RAPGEF5: variants seen among roughly 807,000 people sequenced by gnomAD.
The protein encoded by RAPGEF5 is Rap guanine nucleotide exchange factor 5.
Under a neutral mutation model 125.2 loss-of-function variants are expected in RAPGEF5, and 65 were observed. The ratio of observed to expected loss-of-function variants is 0.52; its 90% confidence interval spans 0.43 to 0.64. RAPGEF5 has a LOEUF of 0.64. Ranked by LOEUF, RAPGEF5 falls within the 30% of genes least tolerant of loss-of-function variation. The pLI is 0.00. For missense variants in RAPGEF5, 958 were observed against 1,048.1 expected (o/e 0.91, Z 1.19); for synonymous variants, 391 against 385.9 (o/e 1.01, Z -0.16).
chr7:22,326,387 T>G (rs550450695), intron 1 of RAPGEF5, among the ~76,000 whole-genome samples: 17 of 152,296 alleles, frequency 1.1e-4, no homozygotes, highest in African/African-American at 4.1e-4. Flanking sequence ...TGGAACACTG[T>G]GTGTTTACAT....
intron 17 of RAPGEF5, among the ~76,000 whole-genome samples, 200 bp downstream of exon 17, chr7:22,154,255 G>C (rs151181449): frequency 1.3e-5 from 2 of 152,226 alleles, no homozygotes; most frequent in East Asian, 1.9e-4. Context: ...TTCAGTTCTT[G>C]GGGAGGAAAT....
intron 11 of RAPGEF5, among the ~76,000 whole-genome samples, chr7:22,176,484 TTAAAG>T (rs535010641): frequency 3.2e-4 from 48 of 152,204 alleles, no homozygotes; most frequent in Non-Finnish European, 5.3e-4. Flanking sequence ...CAAAACTAAT[TTAAAG>T]TAAACATAAG....
intron 21 of RAPGEF5, 34 bp downstream of exon 21, chr7:22,139,991 T>C: frequency 1.3e-6 from 2 of 1,496,454 alleles, no homozygotes; most frequent in Non-Finnish European, 1.8e-6. Context: ...ATTTCCATTT[T>C]ATGTGCCCCT....
rs550522486 is a variant in RAPGEF5, at chr7:22,184,111, G to A, written c.1204+9256C>T. Among the ~76,000 whole-genome samples, 35 of 152,262 alleles carry A rather than the reference G, an allele frequency of 2.3e-4. No homozygotes were observed. The South Asian group carries it at 4.8e-3, about 21-fold the overall frequency. On this transcript the variant is annotated intron_variant, in intron 11 of 25. Coordinates refer to ENST00000665637, the MANE Select transcript of RAPGEF5 (RefSeq NM_012294.5). The stretch of plus-strand genomic sequence containing the variant: ...CTTTTGTGGCAAAAGCCACATCTGC[G>A]AAGCCAACTGTAGTTTCCCTTTAGT...
chr7:22,278,269 C>CT (rs1782601943), intron 6 of RAPGEF5, among the ~76,000 whole-genome samples: 1 of 152,116 alleles, frequency 6.6e-6, no homozygotes, highest in Admixed American at 6.5e-5. Context: ...TTTTCTTTCC[C>CT]TTATCTAGAC....
chr7:22,122,800 G>T (rs2128096184), intron 25 of RAPGEF5, among the ~76,000 whole-genome samples: 1 of 152,250 alleles, frequency 6.6e-6, no homozygotes, highest in South Asian at 2.1e-4. Context: ...CCACAGATGG[G>T]GAAACTGAGC....
intron 11 of RAPGEF5, among the ~76,000 whole-genome samples, chr7:22,169,478 G>A (rs1401014908): frequency 6.6e-6 from 1 of 152,092 alleles, no homozygotes; most frequent in African/African-American, 2.4e-5. Context: ...GCCTGTTGAA[G>A]AGTAATGTTT....
intron 11 of RAPGEF5, among the ~76,000 whole-genome samples, chr7:22,176,689 C>T (rs547806563): frequency 9.2e-5 from 14 of 152,152 alleles, no homozygotes; most frequent in Admixed American, 4.6e-4. Context: ...CCACCATGCC[C>T]GGGTAATTTT....
intron 7 of RAPGEF5, among the ~76,000 whole-genome samples, chr7:22,235,514 G>C (rs1359975603): frequency 6.6e-6 from 1 of 152,152 alleles, no homozygotes; most frequent in Non-Finnish European, 1.5e-5. Flanking sequence ...ATCATAGGAA[G>C]AATAGAAAAA....
intron 6 of RAPGEF5, among the ~76,000 whole-genome samples, chr7:22,278,410 G>A (rs9987061): frequency 0.15 from 22,990 of 151,986 alleles, 1,776 homozygotes; most frequent in South Asian, 0.23. Context: ...TTATACTTAT[G>A]TTAATTTTTA....
intron 11 of RAPGEF5, among the ~76,000 whole-genome samples, chr7:22,180,946 C>T (rs1431974627): frequency 1.3e-5 from 2 of 152,182 alleles, no homozygotes; most frequent in Non-Finnish European, 2.9e-5. Context: ...GAGATATGCA[C>T]ACTATGCCAA....
At chr7:22,346,609 CA>C (rs1365713061) in intron 1 of RAPGEF5, among the ~76,000 whole-genome samples, 7 of 152,154 alleles carry the variant, frequency 4.6e-5, no homozygotes. Context: ...TTTGCATGTA[CA>C]CCTCATAACA....
intron 1 of RAPGEF5, among the ~76,000 whole-genome samples, chr7:22,353,150 T>A (rs193218914): frequency 1.3e-5 from 2 of 152,296 alleles, no homozygotes; most frequent in Non-Finnish European, 2.9e-5. Context: ...AAGCTAAACA[T>A]CACCACAAGG....
chr7:22,156,564 G>A (rs543441381), intron 16 of RAPGEF5, among the ~76,000 whole-genome samples: 23 of 152,344 alleles, frequency 1.5e-4, no homozygotes, highest in African/African-American at 5.1e-4. Context: ...GGAGGCTCTA[G>A]GCATTGTCTC....
chr7:22,179,365 T>A (rs1784604100), intron 11 of RAPGEF5, among the ~76,000 whole-genome samples: 1 of 152,134 alleles, frequency 6.6e-6, no homozygotes, highest in Non-Finnish European at 1.5e-5. Context: ...AAATCAGACA[T>A]AAGAAAAGTA....
intron 14 of RAPGEF5, among the ~76,000 whole-genome samples, chr7:22,159,078 A>C (rs1314456601): frequency 6.6e-6 from 1 of 152,216 alleles, no homozygotes; most frequent in Non-Finnish European, 1.5e-5. Context: ...AAAGTTTCCC[A>C]GCTGTAACAG....
At chr7:22,143,030 T>C (rs182141754) in intron 20 of RAPGEF5, among the ~76,000 whole-genome samples, 34 of 152,308 alleles carry the variant, frequency 2.2e-4, no homozygotes, top group Admixed American at 1.9e-3. Context: ...TCCCTGAGGA[T>C]AGATATAATC....
rs1378397254 is a variant in RAPGEF5 at position 22,118,935 on chromosome 7, C to T, written c.*3471G>A. ...CAGTTTTAAGCAAAACTGGCCCACTCGCTAAGAAGCAGGCTGAAATTTTAA... is the reference window on the plus strand; with the variant it reads ...CAGTTTTAAGCAAAACTGGCCCACTTGCTAAGAAGCAGGCTGAAATTTTAA... On this transcript the variant is annotated 3_prime_UTR_variant, in exon 26 of 26. Coordinates refer to ENST00000665637, the MANE Select transcript of RAPGEF5 (RefSeq NM_012294.5). The T allele has an allele frequency of 1.4e-5, 2 of 143,944 alleles. No homozygotes were observed. Among genetic ancestry groups the T allele is most frequent in the Admixed American group, 7.1e-5 (1 of 14,140 alleles). 8.9% of individuals were successfully genotyped at this position (143,944 alleles called of 1,614,324 possible).
At chr7:22,136,214 A>G (rs1244628535) in intron 22 of RAPGEF5, 89 bp from the exon 23 acceptor site, 2 of 943,802 alleles carry the variant, frequency 2.1e-6, no homozygotes, top group Admixed American at 2.8e-5. Flanking sequence ...CAATTTGAAC[A>G]TAACTTAGAT....
Sources: gnomAD v4.1 joint callset for allele counts (sites outside exome capture counted in the v4.1 genomes callset) on GRCh38, gnomAD v4.1.1 for gene constraint, MANE v1.5 for transcripts, NCBI Gene and HGNC (gene_info 2026-07-23, HGNC 2026-07-21) for gene names.